Variants in PSG8 observed in about 807,000 individuals in gnomAD.
The protein encoded by PSG8 is pregnancy-specific beta-1-glycoprotein 8.
A neutral mutation model predicts 42.5 loss-of-function variants in PSG8; 57 were observed. The ratio of observed to expected loss-of-function variants is 1.34; its 90% CI spans 1.08 to 1.67. PSG8 has a LOEUF of 1.67. Ranked by LOEUF, PSG8 falls within the 40% of genes most tolerant of loss-of-function variation. The pLI is 0.00. For synonymous variants in PSG8, 280 were observed against 196.8 expected (o/e 1.42, Z -3.54); for missense variants, 783 against 518.6 (o/e 1.51, Z -4.95).
chr19:42,763,013 A>G (rs936851547), intron 2 of PSG8, among the ~76,000 whole-genome samples: 2 of 152,170 alleles, frequency 1.3e-5, no homozygotes, highest in African/African-American at 2.4e-5. Flanking sequence ...TTTTCTGTCA[A>G]TCAGATAAGC....
In PSG8 at chr19:42,764,412, ACG is replaced by A. The variant is rs1375900479; in HGVS notation, c.65-133_65-132del. On this transcript the variant is annotated intron_variant, in intron 1 of 4. Coordinates refer to ENST00000306511, the MANE Select transcript of PSG8 (RefSeq NM_182707.3). ...CACAGACACACACACATACAAACAC[ACG>A]CACACACACACACAAAAGCGGCATG... 7 of 1,416,696 alleles carry A rather than the reference ACG, an allele frequency of 4.9e-6. No individual in the cohort carries two copies. The African/African-American group carries it at 7.2e-5, about 15-fold the overall frequency. 87.8% of individuals were successfully genotyped at this position (1,416,696 alleles called of 1,614,324 possible).
intron 2 of PSG8, among the ~76,000 whole-genome samples, chr19:42,760,946 AAT>A: frequency 6.6e-6 from 1 of 152,254 alleles, no homozygotes; most frequent in South Asian, 2.1e-4. Context: ...GTTAGAACCG[AAT>A]GACAAATTTC....
At chr19:42,760,938 T>G (rs977692775) in intron 2 of PSG8, among the ~76,000 whole-genome samples, 2 of 152,134 alleles carry the variant, frequency 1.3e-5, no homozygotes, top group African/African-American at 4.8e-5. Flanking sequence ...TACTTAGTGT[T>G]AGAACCGAAT....
intron 2 of PSG8, 107 bp downstream of exon 2, chr19:42,763,809 T>C: frequency 6.3e-7 from 1 of 1,583,022 alleles, no homozygotes; most frequent in South Asian, 1.1e-5. Context: ...GCATGGGACA[T>C]AATGCAGAGA....
intron 3 of PSG8, 54 bp from the exon 4 acceptor site, chr19:42,755,320 C>A: frequency 1.9e-6 from 3 of 1,589,770 alleles, no homozygotes; most frequent in Middle Eastern, 2.2e-4. Flanking sequence ...GATTCCTCCA[C>A]AGGCATCCTT....
At chr19:42,765,415 G>T (rs1355645570) in intron 1 of PSG8, 103 bp downstream of exon 1, 8 of 1,544,072 alleles carry the variant, frequency 5.2e-6, no homozygotes, top group Non-Finnish European at 7.1e-6. Flanking sequence ...GCCTCCCAAA[G>T]TGCTGGCTTC....
intron 3 of PSG8, chr19:42,756,095 T>C (rs1189264456): frequency 6.6e-6 from 1 of 152,254 alleles, no homozygotes; most frequent in Non-Finnish European, 1.5e-5. Context: ...CAGCACTGAC[T>C]GGTAGAAAGG....
At chr19:42,752,800 G>T (rs960063849), downstream of PSG8, 1 of 181,270 alleles carries the variant, frequency 5.5e-6, no homozygotes, top group Non-Finnish European at 1.2e-5. Flanking sequence ...CATTTAAAGG[G>T]GACTCTATTA....
intron 2 of PSG8, among the ~76,000 whole-genome samples, chr19:42,761,820 ATTTTTTTTTTTTTTTTT>A (rs58868359): frequency 2.0e-3 from 140 of 70,434 alleles, no homozygotes; most frequent in African/African-American, 7.2e-3. Context: ...CATTTCAATA[ATTTTTTTTTTTTTTTTT>A]TTTTTTTTTT....
At position 42,758,284 on chromosome 19, in the gene PSG8, T is replaced by C. The variant is rs1248401255; in HGVS notation, c.431-4A>G. 6.2e-7 allele frequency: 1 copy of C among 1,612,718 alleles called. No homozygotes were observed. The highest frequency in any genetic ancestry group is 2.2e-5 in the East Asian group (1 of 44,854). On this transcript the variant is annotated splice_region_variant and splice_polypyrimidine_tract_variant and intron_variant, in intron 2 of 4. Transcript: ENST00000306511. The stretch of plus-strand genomic sequence containing the variant: ...ATGGAGGGCTTGGGAGTCTCCACTG[T>C]GCAGAAAACAGAGAGAAGATTGCCC...
Position 42,755,195 on chromosome 19 carries a change from T to G in PSG8, c.781A>C (p.Thr261Pro), listed in dbSNP as rs370986372. ...PRENKDVLNFTCEPKSENYTY... is the reference protein window; with the variant it reads ...PRENKDVLNFPCEPKSENYTY... The stretch of plus-strand genomic sequence containing the variant: ...TAGTTCTCACTCTTAGGTTCACAGG[T>G]GAAGTTTAAGACATCCTTATTCTCC... Residue 261 changes from threonine (T) to proline (P), a missense_variant, in exon 4 of 5, where the codon ACC (threonine) becomes CCC (proline). Coordinates refer to ENST00000306511, the MANE Select transcript of PSG8 (RefSeq NM_182707.3). 3 of 1,611,798 alleles carry G rather than the reference T, an allele frequency of 1.9e-6. No individual in the cohort carries two copies. The African/African-American group carries it at 4.0e-5, about 22-fold the overall frequency.
At chr19:42,753,459 A>G (rs878957380), downstream of PSG8, 21 of 760,992 alleles carry the variant, frequency 2.8e-5, no homozygotes, top group South Asian at 4.1e-5. Flanking sequence ...TATTTTCCAC[A>G]TAATTTTTCT....
At chr19:42,755,965 C>T (rs536841922) in intron 3 of PSG8, 1 of 154,212 alleles carries the variant, frequency 6.5e-6, no homozygotes, top group East Asian at 1.9e-4. Context: ...CAGGCAAGAG[C>T]TGGTGGCTTT....
chr19:42,758,856 C>T (rs187455904), intron 2 of PSG8: 1 of 159,292 alleles, frequency 6.3e-6, no homozygotes, highest in East Asian at 1.9e-4. Context: ...AGTGGAGCCA[C>T]AAGGTGGCGC....
At chr19:42,754,094 T>G, downstream of PSG8, 1 of 1,135,792 alleles carries the variant, frequency 8.8e-7, no homozygotes, top group Non-Finnish European at 1.2e-6. Context: ...ATCAATTATT[T>G]CATTGAAATC....
At chr19:42,759,452 T>G (rs1970019015) in intron 2 of PSG8, among the ~76,000 whole-genome samples, 1 of 152,178 alleles carries the variant, frequency 6.6e-6, no homozygotes, top group East Asian at 1.9e-4. Context: ...GCAGAAGGCT[T>G]AAAACAAAGT....
At chr19:42,764,959 A>T (rs934746024) in intron 1 of PSG8, among the ~76,000 whole-genome samples, 1 of 151,982 alleles carries the variant, frequency 6.6e-6, no homozygotes, top group African/African-American at 2.4e-5. Context: ...GTGAAGTGTC[A>T]TCTGATACAG....
At chr19:42,759,702 C>T (rs904117441) in intron 2 of PSG8, among the ~76,000 whole-genome samples, 4 of 152,104 alleles carry the variant, frequency 2.6e-5, no homozygotes, top group African/African-American at 7.2e-5. Context: ...GTTTAGACCT[C>T]ATGTTATGTT....
intron 2 of PSG8, among the ~76,000 whole-genome samples, chr19:42,763,163 C>A (rs988338555): frequency 8.5e-5 from 13 of 152,214 alleles, no homozygotes; most frequent in African/African-American, 2.9e-4. Flanking sequence ...ATGAGAAAGC[C>A]CCTTTGCGTC....
Sources: allele counts gnomAD v4.1 joint callset (sites outside exome capture counted in the v4.1 genomes callset), GRCh38; gene constraint gnomAD v4.1.1; transcripts MANE v1.5; gene names NCBI Gene and HGNC (gene_info 2026-07-23, HGNC 2026-07-21).